Variants in PDE11A observed in about 807,000 individuals in gnomAD.
PDE11A encodes the protein phosphodiesterase 11A, also known as dual 3',5'-cyclic-AMP and -GMP phosphodiesterase 11A.
In PDE11A, 100 loss-of-function variants were observed where a neutral mutation model predicts 100.5. The observed-to-expected ratio is 1.00, with a 90% CI of 0.85 to 1.18. The LOEUF (loss-of-function observed/expected upper bound fraction) is 1.18, where lower values mean the gene tolerates loss of function less well. Ranked by LOEUF, PDE11A falls within the 50% of genes most tolerant of loss-of-function variation. The pLI is 0.00. For missense variants in PDE11A, 1,141 were observed against 1,152.6 expected, an observed-to-expected ratio of 0.99 and a Z score of 0.15; for synonymous variants, 381 against 420.8, an observed-to-expected ratio of 0.91 and a Z score of 1.16.
chr2:177,845,358 T>G (rs1422813668), intron 5 of PDE11A, among the ~76,000 whole-genome samples: 11 of 115,938 alleles, frequency 9.5e-5, no homozygotes, highest in Non-Finnish European at 1.6e-4. Flanking sequence ...AGATGGGGTC[T>G]CGGCCGGGCA....
intron 2 of PDE11A, among the ~76,000 whole-genome samples, chr2:177,907,901 C>T (rs1200987735): frequency 2.6e-5 from 4 of 152,196 alleles, no homozygotes; most frequent in African/African-American, 7.2e-5. Context: ...CAAACTATTG[C>T]TATTGTTGTG....
At chr2:178,095,364 C>CA (rs2087474543) in intron 2 of PDE11A, among the ~76,000 whole-genome samples, 1 of 152,204 alleles carries the variant, frequency 6.6e-6, no homozygotes, top group Non-Finnish European at 1.5e-5. Context: ...CTTAAAGCTC[C>CA]AAAATGATCT....
intron 5 of PDE11A, among the ~76,000 whole-genome samples, chr2:177,848,714 T>G (rs973658326): frequency 3.9e-5 from 6 of 152,098 alleles, no homozygotes; most frequent in Non-Finnish European, 8.8e-5. Flanking sequence ...GCCGGTGAGG[T>G]ATATATAAAC....
chr2:177,640,622 G>C (rs1224189564), intron 19 of PDE11A, among the ~76,000 whole-genome samples: 1 of 152,196 alleles, frequency 6.6e-6, no homozygotes, highest in Non-Finnish European at 1.5e-5. Flanking sequence ...TAGGTCCAAA[G>C]GTTAAGATTA....
intron 1 of PDE11A, among the ~76,000 whole-genome samples, chr2:178,062,078 TC>T (rs1456652683): frequency 6.6e-6 from 1 of 152,198 alleles, no homozygotes; most frequent in Non-Finnish European, 1.5e-5. Context: ...AGGCTGTTCC[TC>T]TTGTTCATTC....
At chr2:177,709,320 G>A (rs940108091) in intron 13 of PDE11A, among the ~76,000 whole-genome samples, 44 of 152,154 alleles carry the variant, frequency 2.9e-4, no homozygotes, top group Non-Finnish European at 5.4e-4. Context: ...CGTGCTGTTC[G>A]TTGTAGCAAA....
upstream of PDE11A, among the ~76,000 whole-genome samples, chr2:178,077,459 T>A (rs879190319): frequency 6.6e-6 from 1 of 152,112 alleles, no homozygotes; most frequent in African/African-American, 2.4e-5. Flanking sequence ...CAGTATATTT[T>A]ACTGCAGAAA....
At chr2:177,785,171 A>C (rs1159393935) in intron 9 of PDE11A, among the ~76,000 whole-genome samples, 1 of 152,126 alleles carries the variant, frequency 6.6e-6, no homozygotes, top group African/African-American at 2.4e-5. Flanking sequence ...CAGTTTCCTC[A>C]TCAGTAAAAG....
intron 5 of PDE11A, among the ~76,000 whole-genome samples, chr2:177,863,937 T>C (rs919986522): frequency 2.6e-5 from 4 of 152,046 alleles, no homozygotes; most frequent in Admixed American, 2.0e-4. Context: ...TGGAAACAAG[T>C]AAGTGTCTAT....
At chr2:177,794,158 G>C (rs1357483777) in intron 9 of PDE11A, among the ~76,000 whole-genome samples, 3 of 152,198 alleles carry the variant, frequency 2.0e-5, no homozygotes, top group East Asian at 3.9e-4. Flanking sequence ...TAGCATGTTG[G>C]GGGCAGGAAA....
At chr2:178,042,936 G>A (rs754989595) in intron 1 of PDE11A, among the ~76,000 whole-genome samples, 3 of 152,160 alleles carry the variant, frequency 2.0e-5, no homozygotes, top group South Asian at 2.1e-4. Context: ...GGTGGGAGGC[G>A]AGGGACAGCT....
chr2:177,679,191 A>G (rs976857921), intron 16 of PDE11A, among the ~76,000 whole-genome samples: 2 of 152,078 alleles, frequency 1.3e-5, no homozygotes, highest in African/African-American at 4.8e-5. Flanking sequence ...GTGGTTCAAC[A>G]GAAGCAGAAA....
chr2:177,661,566 G>A (rs1233731861), intron 19 of PDE11A, among the ~76,000 whole-genome samples: 2 of 152,146 alleles, frequency 1.3e-5, no homozygotes, highest in African/African-American at 2.4e-5. Flanking sequence ...AATAAAATAG[G>A]ACCCTCAGAG....
chr2:178,014,221 C>T, intron 2 of PDE11A, 81 bp downstream of exon 2: 2 of 1,092,742 alleles, frequency 1.8e-6, no homozygotes, highest in Non-Finnish European at 2.8e-6. Flanking sequence ...CAGCTATTCA[C>T]ATAATTCCTG....
chr2:178,094,301 G>A (rs2087460715), intron 2 of PDE11A, among the ~76,000 whole-genome samples: 1 of 152,100 alleles, frequency 6.6e-6, no homozygotes, highest in Non-Finnish European at 1.5e-5. Context: ...GCCTGAGGCG[G>A]GTGGATCGCT....
intron 1 of PDE11A, among the ~76,000 whole-genome samples, chr2:178,028,803 C>T (rs1466637704): frequency 6.6e-6 from 1 of 152,210 alleles, no homozygotes; most frequent in Non-Finnish European, 1.5e-5. Context: ...CATTTACTCT[C>T]ATGCAAATAA....
At chr2:178,053,479 C>T (rs2086855461) in intron 1 of PDE11A, among the ~76,000 whole-genome samples, 3 of 152,210 alleles carry the variant, frequency 2.0e-5, no homozygotes, top group Admixed American at 1.3e-4. Context: ...TCTCTCACCA[C>T]TCCTATTCAA....
At chr2:177,735,369 A>T (rs2105456827) in intron 10 of PDE11A, among the ~76,000 whole-genome samples, 1 of 152,132 alleles carries the variant, frequency 6.6e-6, no homozygotes, top group Admixed American at 6.5e-5. Context: ...CTCATGGCCT[A>T]CCCAAGAAGA....
intron 5 of PDE11A, among the ~76,000 whole-genome samples, chr2:177,845,356 T>G (rs1574206636): frequency 7.3e-6 from 1 of 136,962 alleles, no homozygotes; most frequent in Non-Finnish European, 1.6e-5. Context: ...CCAGATGGGG[T>G]CTCGGCCGGG....
Sources: gnomAD v4.1 joint callset for allele counts (sites outside exome capture counted in the v4.1 genomes callset) on GRCh38, gnomAD v4.1.1 for gene constraint, MANE v1.5 for transcripts, NCBI Gene and HGNC (gene_info 2026-07-23, HGNC 2026-07-21) for gene names.